The following MYT1L variants were observed in gnomAD, a reference collection of about 807,000 sequenced individuals.
MYT1L encodes the protein myelin transcription factor 1-like protein.
Under a neutral mutation model 126.7 loss-of-function variants are expected in MYT1L, and 12 were observed. That is an observed-to-expected ratio of 0.09 (90% confidence interval 0.06 to 0.15). The LOEUF (loss-of-function observed/expected upper bound fraction) is 0.15. MYT1L is among the 10% of genes least tolerant of loss of function. The probability of loss-of-function intolerance (pLI) is 1.00; values close to 1 mark genes in which losing one functional copy is unlikely to be tolerated. For synonymous variants in MYT1L, 541 were observed against 604.2 expected (o/e 0.90, Z 1.53); for missense variants, 979 against 1,585.2 (o/e 0.62, Z 6.49).
At chr2:2,176,877 C>T (rs940249139) in intron 2 of MYT1L, among the ~76,000 whole-genome samples, 2 of 152,146 alleles carry the variant, frequency 1.3e-5, no homozygotes, top group Non-Finnish European at 2.9e-5. Flanking sequence ...AAAAGGACAC[C>T]AGCAAATGCA....
Position 2,008,368 on chromosome 2 carries a change from C to T in MYT1L, c.-157-11021G>A, listed in dbSNP as rs573243411. Among the ~76,000 whole-genome samples the T allele has an allele frequency of 2.6e-5, 4 of 152,324 alleles. No homozygotes were observed. The East Asian group carries it at 7.7e-4, about 29-fold the overall frequency. On this transcript the variant is annotated intron_variant, in intron 4 of 24. Coordinates refer to ENST00000647738, the MANE Select transcript of MYT1L (RefSeq NM_001303052.2). The stretch of plus-strand genomic sequence containing the variant: ...TGCAATGCCCTGGTCTTCATTTGTG[C>T]AGTGGGCAGGAAGAACAGGCCAGGA...
At chr2:2,052,558 CTATAATA>C (rs1406534335) in intron 4 of MYT1L, among the ~76,000 whole-genome samples, 1 of 152,112 alleles carries the variant, frequency 6.6e-6, no homozygotes, top group Admixed American at 6.5e-5. Flanking sequence ...GAGCTAATAT[CTATAATA>C]TATAAGAATT....
In MYT1L at chr2:1,979,084, C is replaced by A; in HGVS notation, c.152+81G>T. On this transcript the variant is annotated intron_variant, in intron 8 of 24. Transcript: ENST00000647738. The surrounding 1 kb of genome is among the most constrained non-coding windows in gnomAD (Gnocchi z 4.0). ...GTATTGCTTTCCAAGAACACCTGCT[C>A]ACACAGTTCATCATCAGGACTGGGT... 8.9e-7 allele frequency: 1 copy of A among 1,126,766 alleles called. No individual in the cohort carries two copies. Among genetic ancestry groups the A allele is most frequent in the South Asian group, 1.3e-5 (1 of 74,540 alleles). The allele number at this position is 1,126,766 out of a possible 1,614,324, so 69.8% of individuals were successfully genotyped here. A position where few individuals can be genotyped will look rare whatever the true frequency, so the allele number is the denominator to read the frequency against.
intron 3 of MYT1L, among the ~76,000 whole-genome samples, chr2:2,093,161 G>A (rs755321866): frequency 6.6e-6 from 1 of 152,050 alleles, no homozygotes; most frequent in Non-Finnish European, 1.5e-5. Context: ...TCCCTCAAAT[G>A]TATCATCCCA....
chr2:1,917,437 T>G lies in MYT1L; in HGVS notation c.1484-98A>C. 2.1e-6 allele frequency: 3 copies of G among 1,435,628 alleles called. No homozygotes were observed. The highest frequency in any genetic ancestry group is 2.8e-6 in the Non-Finnish European group (3 of 1,056,928). 88.9% of individuals were successfully genotyped at this position (1,435,628 alleles called of 1,614,324 possible). A position where few individuals can be genotyped will look rare whatever the true frequency, so the allele number is the denominator to read the frequency against. On this transcript the variant is annotated intron_variant, in intron 10 of 24. Transcript: ENST00000647738. This position sits in a 1 kb window ranked among gnomAD's most constrained non-coding sequence, Gnocchi z 5.9. ...GAAGAAACCTTGCTAAAGAAAGAAA[T>G]AAAGCAGGTGTCGGGGGCTAGGCTG...
intron 3 of MYT1L, among the ~76,000 whole-genome samples, chr2:2,146,927 AC>A (rs1302625888): frequency 6.6e-6 from 1 of 152,188 alleles, no homozygotes; most frequent in African/African-American, 2.4e-5. Flanking sequence ...CATTTGTTCC[AC>A]AGAGCAGAAA....
chr2:2,095,900 G>T (rs2077412167), intron 3 of MYT1L, among the ~76,000 whole-genome samples: 1 of 152,178 alleles, frequency 6.6e-6, no homozygotes, highest in Non-Finnish European at 1.5e-5. Flanking sequence ...GCACAGAGGG[G>T]CGGAGCAGAG....
At chr2:1,816,468 C>T (rs553018425) in intron 21 of MYT1L, 2 of 152,722 alleles carry the variant, frequency 1.3e-5, no homozygotes, top group Non-Finnish European at 2.9e-5. Context: ...CAAGCCCCCC[C>T]ACGCCACTCA....
intron 3 of MYT1L, among the ~76,000 whole-genome samples, chr2:2,124,304 C>CA (rs2081408440): frequency 1.3e-5 from 2 of 149,150 alleles, no homozygotes; most frequent in African/African-American, 4.9e-5. Context: ...TATTCTTTTT[C>CA]TTTTTTTTTT....
intron 19 of MYT1L, chr2:1,842,953 G>GCTTCCAGGCGCTTCCC (rs2041997082): frequency 6.2e-6 from 1 of 161,146 alleles, no homozygotes; most frequent in Non-Finnish European, 1.3e-5. Context: ...AGGCGCTTCC[G>GCTTCCAGGCGCTTCCC]CTTCCAGGCG....
At chr2:2,212,870 C>T (rs767062619) in intron 2 of MYT1L, among the ~76,000 whole-genome samples, 9 of 152,146 alleles carry the variant, frequency 5.9e-5, no homozygotes, top group Admixed American at 5.2e-4. Flanking sequence ...GACACAGCAA[C>T]GGAGTGCCCT....
At chr2:1,937,601 G>T (rs2056127530) in intron 9 of MYT1L, among the ~76,000 whole-genome samples, 1 of 151,342 alleles carries the variant, frequency 6.6e-6, no homozygotes, top group Non-Finnish European at 1.5e-5. Flanking sequence ...AAGTCGAGAA[G>T]GCCCTAATGT....
intron 5 of MYT1L, among the ~76,000 whole-genome samples, chr2:1,981,646 C>T (rs975095078): frequency 3.3e-5 from 5 of 152,168 alleles, no homozygotes; most frequent in Admixed American, 6.5e-5. Flanking sequence ...CGGGAGGCCC[C>T]GCTGGTCCAG....
chr2:1,934,008 T>G (rs1311447196), intron 9 of MYT1L, among the ~76,000 whole-genome samples: 8 of 143,480 alleles, frequency 5.6e-5, no homozygotes, highest in Middle Eastern at 3.5e-3. Flanking sequence ...GGAGTCTTGC[T>G]CTGTCGCCCA....
At chr2:2,112,066 G>T (rs1480296176) in intron 3 of MYT1L, among the ~76,000 whole-genome samples, 9 of 152,196 alleles carry the variant, frequency 5.9e-5, no homozygotes, top group Admixed American at 6.5e-5. Context: ...ACCCCAGCTT[G>T]TAAGGAATGA....
chr2:1,940,223 T>C (rs1443753161), intron 9 of MYT1L, among the ~76,000 whole-genome samples: 128 of 102,240 alleles, frequency 1.3e-3, no homozygotes, highest in African/African-American at 1.5e-3. Context: ...TGCCAGGATG[T>C]TCAGTAAACT....
At chr2:1,820,636 TC>T (rs1319342688) in intron 21 of MYT1L, among the ~76,000 whole-genome samples, 3 of 152,152 alleles carry the variant, frequency 2.0e-5, no homozygotes, top group African/African-American at 7.2e-5. Flanking sequence ...AGCCTCCAAC[TC>T]TTGGGCTCAA....
At chr2:2,156,372 C>G (rs956291582) in intron 3 of MYT1L, among the ~76,000 whole-genome samples, 4 of 152,202 alleles carry the variant, frequency 2.6e-5, no homozygotes, top group Admixed American at 6.5e-5. Context: ...ACACAGGTTG[C>G]AGCCCCCAAC....
intron 2 of MYT1L, among the ~76,000 whole-genome samples, chr2:2,199,986 T>C (rs2092989745): frequency 6.6e-6 from 1 of 152,200 alleles, no homozygotes; most frequent in African/African-American, 2.4e-5. Context: ...CAGCGTGCAG[T>C]GCCATTCCTT....
Sources: allele counts gnomAD v4.1 joint callset (sites outside exome capture counted in the v4.1 genomes callset), GRCh38; gene constraint gnomAD v4.1.1; non-coding constraint Gnocchi (gnomAD v3.1); transcripts MANE v1.5; gene names NCBI Gene and HGNC (gene_info 2026-07-23, HGNC 2026-07-21).